NCKAP5: variants seen among roughly 807,000 people sequenced by gnomAD.
NCKAP5 encodes nck-associated protein 5.
NCKAP5 carries 92 observed loss-of-function variants against 167.0 expected under a neutral mutation model. That is an observed-to-expected ratio of 0.55 (90% CI 0.47 to 0.66). The LOEUF (loss-of-function observed/expected upper bound fraction) is 0.66. Among genes scored for constraint, NCKAP5 ranks in the 30% least tolerant of loss-of-function variants. NCKAP5 has a pLI of 0.00. For synonymous variants in NCKAP5, 891 were observed against 877.4 expected, an observed-to-expected ratio of 1.02 and a Z score of -0.27; for missense variants, 2,378 against 2,315.0, an observed-to-expected ratio of 1.03 and a Z score of -0.56.
At chr2:133,078,729 T>A (rs1464857563) in intron 6 of NCKAP5, among the ~76,000 whole-genome samples, 2 of 152,120 alleles carry the variant, frequency 1.3e-5, no homozygotes, top group African/African-American at 2.4e-5. Flanking sequence ...TTAAACAGTC[T>A]TTTAGTATTT....
intron 12 of NCKAP5, among the ~76,000 whole-genome samples, chr2:132,794,397 C>T (rs1472202775): frequency 2.7e-5 from 4 of 148,440 alleles, no homozygotes; most frequent in African/African-American, 9.9e-5. Context: ...CTTTGGGAGG[C>T]CAAGGTGGGT....
the NCKAP5 span, among the ~76,000 whole-genome samples, chr2:133,604,641 C>T: frequency 0.21 from 31,385 of 151,756 alleles, 3,834 homozygotes; most frequent in Non-Finnish European, 0.28. Context: ...GAGACAGCAA[C>T]CTGGGACTGA....
chr2:132,908,033 T>G (rs186244158), intron 8 of NCKAP5, among the ~76,000 whole-genome samples: 25 of 152,316 alleles, frequency 1.6e-4, no homozygotes, highest in Admixed American at 1.2e-3. Flanking sequence ...TATAAAAGCT[T>G]ATTAGTCACA....
the NCKAP5 span, among the ~76,000 whole-genome samples, chr2:133,667,852 C>G: frequency 6.6e-6 from 1 of 152,032 alleles, no homozygotes; most frequent in South Asian, 2.1e-4. Flanking sequence ...AATATATTCA[C>G]AGAGTTGTAC....
chr2:133,331,660 C>T (rs1251941949), intron 3 of NCKAP5, among the ~76,000 whole-genome samples: 5 of 152,126 alleles, frequency 3.3e-5, no homozygotes, highest in East Asian at 1.9e-4. Context: ...AACCCAGGAC[C>T]GGTTTTAAGT....
the NCKAP5 span, among the ~76,000 whole-genome samples, chr2:133,654,915 C>G: frequency 1.3e-5 from 2 of 152,268 alleles, no homozygotes. Context: ...TGACTGATAG[C>G]AGAAGCTGGA....
At chr2:133,346,492 T>C (rs1397099407) in intron 3 of NCKAP5, among the ~76,000 whole-genome samples, 56 of 152,304 alleles carry the variant, frequency 3.7e-4, no homozygotes, top group Non-Finnish European at 1.5e-5. Flanking sequence ...AAATTTCTGG[T>C]GTTAGCTAAG....
intron 11 of NCKAP5, among the ~76,000 whole-genome samples, chr2:132,841,825 C>T (rs1558845328): frequency 6.6e-6 from 1 of 152,042 alleles, no homozygotes; most frequent in Non-Finnish European, 1.5e-5. Flanking sequence ...TGATATATTT[C>T]CTGATATTGA....
At chr2:133,392,326 C>T (rs1481702935) in intron 3 of NCKAP5, among the ~76,000 whole-genome samples, 1 of 152,158 alleles carries the variant, frequency 6.6e-6, no homozygotes, top group Admixed American at 6.5e-5. Flanking sequence ...AAATAGGCTA[C>T]ACCATATAGC....
At chr2:133,525,918 T>C (rs1029032448) in intron 2 of NCKAP5, among the ~76,000 whole-genome samples, 3 of 152,114 alleles carry the variant, frequency 2.0e-5, no homozygotes, top group Non-Finnish European at 2.9e-5. Flanking sequence ...TTCTTTGCTC[T>C]AGTTTCCTCA....
the NCKAP5 span, among the ~76,000 whole-genome samples, chr2:133,592,055 A>T: frequency 1.2e-5 from 1 of 82,264 alleles, no homozygotes; most frequent in Non-Finnish European, 2.2e-5. Context: ...AAATAGGATC[A>T]TTCTACACAC....
chr2:133,284,298 T>A (rs999582836), intron 4 of NCKAP5, among the ~76,000 whole-genome samples: 2 of 152,056 alleles, frequency 1.3e-5, no homozygotes, highest in Non-Finnish European at 2.9e-5. Flanking sequence ...CCCTACCCCA[T>A]AGAGTAGGGA....
At chr2:133,496,229 A>G (rs907567503) in intron 3 of NCKAP5, among the ~76,000 whole-genome samples, 7 of 152,176 alleles carry the variant, frequency 4.6e-5, no homozygotes, top group African/African-American at 1.7e-4. Context: ...GAAACTGTTA[A>G]CCCTGTAGGT....
intron 2 of NCKAP5, among the ~76,000 whole-genome samples, chr2:133,538,933 T>G (rs1333377195): frequency 0.011 from 544 of 48,818 alleles, 17 homozygotes; most frequent in Admixed American, 0.085. Context: ...TTTTTTGGGT[T>G]TTTTTTTTTT....
At chr2:133,099,240 T>C (rs979997547) in intron 6 of NCKAP5, among the ~76,000 whole-genome samples, 1 of 152,150 alleles carries the variant, frequency 6.6e-6, no homozygotes, top group Non-Finnish European at 1.5e-5. Context: ...CTCATAATAC[T>C]AAAACAGTAA....
chr2:132,961,377 C>A (rs1573559353), intron 8 of NCKAP5, among the ~76,000 whole-genome samples: 1 of 151,314 alleles, frequency 6.6e-6, no homozygotes, highest in South Asian at 2.1e-4. Flanking sequence ...ATTTTACATA[C>A]TTTATTATAA....
intron 8 of NCKAP5, among the ~76,000 whole-genome samples, chr2:132,919,674 A>C (rs1203122167): frequency 6.6e-6 from 1 of 152,218 alleles, no homozygotes; most frequent in Non-Finnish European, 1.5e-5. Flanking sequence ...AAAGGGCAGA[A>C]GAAACAGAAG....
chr2:132,930,070 ACTTCCAACCT>A (rs1215951465), intron 8 of NCKAP5: 2 of 152,144 alleles, frequency 1.3e-5, no homozygotes, highest in Non-Finnish European at 2.9e-5. Flanking sequence ...TGCAGAGACT[ACTTCCAACCT>A]CCACAATTGT....
intron 4 of NCKAP5, among the ~76,000 whole-genome samples, chr2:133,298,612 T>C (rs1680129658): frequency 6.6e-6 from 1 of 152,338 alleles, no homozygotes; most frequent in Admixed American, 6.5e-5. Flanking sequence ...TATTCATCTA[T>C]AATAATGCGT....
Sources: gnomAD v4.1 joint callset for allele counts (sites outside exome capture counted in the v4.1 genomes callset) on GRCh38, gnomAD v4.1.1 for gene constraint, MANE v1.5 for transcripts, NCBI Gene and HGNC (gene_info 2026-07-23, HGNC 2026-07-21) for gene names.